The following RIMBP2 variants were observed in gnomAD, a reference collection of about 807,000 sequenced individuals.
RIMBP2 encodes RIMS binding protein 2.
RIMBP2 carries 48 observed loss-of-function variants against 118.6 expected under a neutral mutation model. The ratio of observed to expected loss-of-function variants is 0.40; its 90% CI spans 0.32 to 0.51. The LOEUF is 0.51. Ranked by LOEUF, RIMBP2 falls within the 20% of genes least tolerant of loss-of-function variation. The probability of loss-of-function intolerance (pLI) is 0.41; values close to 1 mark genes in which losing one functional copy is unlikely to be tolerated. For synonymous variants in RIMBP2, 762 were observed against 742.9 expected (o/e 1.03, Z -0.42); for missense variants, 1,551 against 1,768.3 (o/e 0.88, Z 2.20).
intron 2 of RIMBP2, among the ~76,000 whole-genome samples, chr12:130,600,150 C>T (rs989744175): frequency 5.3e-5 from 8 of 152,222 alleles, no homozygotes; most frequent in Non-Finnish European, 1.0e-4. Flanking sequence ...ATAAAATCTA[C>T]CTGTGCCCCG....
At chr12:130,512,603 G>A (rs1176872792) in intron 3 of RIMBP2, among the ~76,000 whole-genome samples, 6 of 152,314 alleles carry the variant, frequency 3.9e-5, no homozygotes, top group East Asian at 1.9e-4. Flanking sequence ...GATTACAGGC[G>A]TGAGCCACCG....
In RIMBP2 at chr12:130,512,678, G is replaced by T. The variant is rs573694179; in HGVS notation, c.-127+5150C>A. On this transcript the variant is annotated intron_variant, in intron 3 of 22. Transcript: ENST00000690449. ...AACAGTCTCCTGGATGTTCTCAAGG[G>T]CCAAATCAGTCTCCTACTAAAGGAG... 4.5e-3 allele frequency among the ~76,000 whole-genome samples: 691 copies of T among 152,264 alleles called. 10 individuals are homozygous for T. The highest frequency in any genetic ancestry group is 0.016 in the African/African-American group (654 of 41,556).
At chr12:130,583,024 T>G (rs1566305560) in intron 2 of RIMBP2, among the ~76,000 whole-genome samples, 1 of 152,036 alleles carries the variant, frequency 6.6e-6, no homozygotes. Context: ...TCATTAGGAG[T>G]GACTACTTTT....
chr12:130,544,596 C>CTTTTTTTTTT (rs35041449), intron 2 of RIMBP2, among the ~76,000 whole-genome samples: 1 of 100,526 alleles, frequency 9.9e-6, no homozygotes, highest in Non-Finnish European at 1.8e-5. Flanking sequence ...AACTGGAGGC[C>CTTTTTTTTTT]TTTTTTTTTT....
At chr12:130,715,379 T>TCAGC (rs1189405430) in intron 1 of RIMBP2, among the ~76,000 whole-genome samples, 2 of 151,964 alleles carry the variant, frequency 1.3e-5, no homozygotes, top group Admixed American at 6.6e-5. Flanking sequence ...CACCCCGACC[T>TCAGC]CAGCCAGCGT....
chr12:130,700,392 G>A (rs750131340), intron 1 of RIMBP2, among the ~76,000 whole-genome samples: 6 of 152,126 alleles, frequency 3.9e-5, no homozygotes, highest in Non-Finnish European at 7.4e-5. Flanking sequence ...CGAGAATCAC[G>A]TTCACTCGAG....
At chr12:130,489,927 C>T (rs1436019023) in intron 4 of RIMBP2, among the ~76,000 whole-genome samples, 2 of 152,016 alleles carry the variant, frequency 1.3e-5, no homozygotes, top group East Asian at 1.9e-4. Context: ...AGATCGAGAC[C>T]ATCCTGGCCA....
At chr12:130,677,264 G>T (rs2064535282) in intron 1 of RIMBP2, among the ~76,000 whole-genome samples, 1 of 152,156 alleles carries the variant, frequency 6.6e-6, no homozygotes, top group Non-Finnish European at 1.5e-5. Flanking sequence ...ACACGGAGAG[G>T]CACTGGGAGT....
chr12:130,424,913 A>T lies in RIMBP2; in HGVS notation c.2413-55T>A. ...CGGGAAAGAGTGTGTGGTCAGCATG[A>T]AGTGGGGGCCAGGGGAGGAAAGAAA... is the stretch of plus-strand genomic sequence containing the variant. On this transcript the variant is annotated intron_variant, in intron 15 of 22. Transcript: ENST00000690449. This position sits in a 1 kb window ranked among gnomAD's most constrained non-coding sequence, Gnocchi z 9.8. The T allele has an allele frequency of 9.4e-7, 1 of 1,068,166 alleles. No individual in the cohort carries two copies. The highest frequency in any genetic ancestry group is 1.2e-6 in the Non-Finnish European group (1 of 838,590). The allele number at this position is 1,068,166 out of a possible 1,614,324, so 66.2% of individuals were successfully genotyped here.
intron 7 of RIMBP2, among the ~76,000 whole-genome samples, chr12:130,454,445 T>C (rs2079247480): frequency 6.6e-6 from 1 of 152,208 alleles, no homozygotes; most frequent in African/African-American, 2.4e-5. Flanking sequence ...GGGGCAGCTC[T>C]CTGGAGGCAC....
intron 4 of RIMBP2, among the ~76,000 whole-genome samples, chr12:130,484,635 G>T (rs908111442): frequency 3.9e-5 from 6 of 152,192 alleles, no homozygotes; most frequent in African/African-American, 1.4e-4. Context: ...CGCCTTCATG[G>T]CCTCTTGGAG....
intron 4 of RIMBP2, among the ~76,000 whole-genome samples, chr12:130,504,636 C>G (rs1297643749): frequency 1.3e-5 from 2 of 152,164 alleles, no homozygotes; most frequent in East Asian, 1.9e-4. Context: ...TGAGGCTCAT[C>G]TCAGACTTCT....
chr12:130,530,714 A>C (rs79923603), intron 2 of RIMBP2, among the ~76,000 whole-genome samples: 79 of 152,180 alleles, frequency 5.2e-4, no homozygotes, highest in Non-Finnish European at 1.0e-4. Context: ...TTTTTAAAAA[A>C]TCACTTGCTT....
rs1354585959 is a variant in RIMBP2 at position 130,710,492 on chromosome 12, T to C, written c.-352+5730A>G. Among the ~76,000 whole-genome samples, 1 of 152,056 alleles carries C rather than the reference T, an allele frequency of 6.6e-6. No homozygotes were observed. Among genetic ancestry groups the C allele is most frequent in the Non-Finnish European group, 1.5e-5 (1 of 68,006 alleles). On this transcript the variant is annotated intron_variant, in intron 1 of 22. Coordinates refer to ENST00000690449, the MANE Select transcript of RIMBP2 (RefSeq NM_001393629.1). This position sits in a 1 kb window ranked among gnomAD's most constrained non-coding sequence, Gnocchi z 4.3. ...CACACGTACACACACACATGTGTGC[T>C]CCCCATGAGGGCAGCACCCTCCTCT...
Position 130,616,502 on chromosome 12 carries a change from C to T in RIMBP2, c.-217+11820G>A, listed in dbSNP as rs529355777. On this transcript the variant is annotated intron_variant, in intron 2 of 22. Coordinates refer to ENST00000690449, the MANE Select transcript of RIMBP2 (RefSeq NM_001393629.1). The stretch of plus-strand genomic sequence containing the variant: ...CTTGCTGATTTCTCCTCAAACCTGT[C>T]TACAAGGCAGGATTATTTTTAAACC... 4.6e-5 allele frequency among the ~76,000 whole-genome samples: 7 copies of T among 152,302 alleles called. No individual in the cohort carries two copies. In the East Asian group the frequency reaches 1.4e-3, roughly 29 times the overall value.
chr12:130,620,335 T>TC lies in RIMBP2; in HGVS notation c.-217+7986dup, dbSNP rs113057854. Among the ~76,000 whole-genome samples the TC allele has an allele frequency of 0.034, 5,189 of 152,196 alleles. 286 individuals carry two copies. Among genetic ancestry groups the TC allele is most frequent in the African/African-American group, 0.12 (4,808 of 41,514 alleles). On this transcript the variant is annotated intron_variant, in intron 2 of 22. Transcript: ENST00000690449. The surrounding 1 kb of genome is among the most constrained non-coding windows in gnomAD (Gnocchi z 5.3). ...CCCCAGGCGGGTCATCCTGCAGCTC[T>TC]CCTCCTCCCTGAGGCTCCCAATCCC...
intron 2 of RIMBP2, among the ~76,000 whole-genome samples, chr12:130,626,468 G>A (rs1266577578): frequency 2.3e-5 from 2 of 88,640 alleles, no homozygotes; most frequent in African/African-American, 8.8e-5. Flanking sequence ...TCTCCATCAC[G>A]ACTACCGCCA....
At chr12:130,664,439 GCACA>G (rs1156467969) in intron 1 of RIMBP2, among the ~76,000 whole-genome samples, 3 of 123,402 alleles carry the variant, frequency 2.4e-5, no homozygotes, top group South Asian at 2.8e-4. Flanking sequence ...ATGCATGCAC[GCACA>G]CACGCACACA....
chr12:130,521,253 G>T (rs913687037), intron 2 of RIMBP2, among the ~76,000 whole-genome samples: 1 of 152,220 alleles, frequency 6.6e-6, no homozygotes, highest in Non-Finnish European at 1.5e-5. Context: ...CACCACTGAA[G>T]AAATTTTGCA....
Sources: gnomAD v4.1 joint callset for allele counts (sites outside exome capture counted in the v4.1 genomes callset) on GRCh38, gnomAD v4.1.1 for gene constraint, Gnocchi (gnomAD v3.1) non-coding constraint, MANE v1.5 for transcripts, NCBI Gene and HGNC (gene_info 2026-07-23, HGNC 2026-07-21) for gene names.